The following RGS6 variants were observed in gnomAD, a reference collection of about 807,000 sequenced individuals.
RGS6 encodes regulator of G protein signaling 6.
In RGS6, 30 loss-of-function variants were observed where a neutral mutation model predicts 78.5. That is an observed-to-expected ratio of 0.38 (90% confidence interval 0.29 to 0.52). RGS6 has a LOEUF of 0.52. RGS6 is among the 20% of genes least tolerant of loss of function. The pLI is 0.85. For synonymous variants in RGS6, 206 were observed against 206.0 expected (o/e 1.00, Z 0.00); for missense variants, 495 against 609.7 (o/e 0.81, Z 1.98).
At chr14:71,975,648 G>A (rs1430619341) in intron 2 of RGS6, among the ~76,000 whole-genome samples, 8 of 152,004 alleles carry the variant, frequency 5.3e-5, no homozygotes, top group South Asian at 2.1e-4. Flanking sequence ...TAGTACAGTC[G>A]GGGTTTCACC....
chr14:72,034,345 C>T (rs1236992130), intron 2 of RGS6, among the ~76,000 whole-genome samples: 3 of 148,554 alleles, frequency 2.0e-5, no homozygotes, highest in Non-Finnish European at 4.4e-5. Flanking sequence ...TAATTTCTTT[C>T]TATTAATGAA....
intron 12 of RGS6, among the ~76,000 whole-genome samples, chr14:72,482,230 T>C (rs2096396237): frequency 6.6e-6 from 1 of 152,222 alleles, no homozygotes; most frequent in African/African-American, 2.4e-5. Flanking sequence ...AGTAGTCTTC[T>C]ATTATGCTTT....
the RGS6 span, among the ~76,000 whole-genome samples, chr14:72,601,286 C>T: frequency 2.6e-5 from 4 of 152,094 alleles, no homozygotes; most frequent in East Asian, 1.9e-4. Context: ...AGGATCTAAG[C>T]GACAGAGCCT....
chr14:72,386,606 CTG>C (rs1244571316), intron 3 of RGS6, among the ~76,000 whole-genome samples: 2 of 152,204 alleles, frequency 1.3e-5, no homozygotes, highest in East Asian at 1.9e-4. Context: ...ACAAATGAGT[CTG>C]TGAGCAAAGG....
intron 3 of RGS6, among the ~76,000 whole-genome samples, chr14:72,441,761 G>A (rs1024584408): frequency 6.6e-6 from 1 of 152,248 alleles, no homozygotes; most frequent in African/African-American, 2.4e-5. Context: ...GCCCAAAGCA[G>A]CTGGCTGTCC....
intron 12 of RGS6, among the ~76,000 whole-genome samples, chr14:72,488,080 C>A (rs886559475): frequency 6.6e-6 from 1 of 152,176 alleles, no homozygotes; most frequent in Non-Finnish European, 1.5e-5. Flanking sequence ...TTACTGTTTC[C>A]TTTACAAAGC....
chr14:72,313,305 A>G (rs2069126214), intron 2 of RGS6, among the ~76,000 whole-genome samples: 1 of 152,248 alleles, frequency 6.6e-6, no homozygotes. Flanking sequence ...ACAGCAGAGC[A>G]TGAAACCAAG....
chr14:72,555,604 T>TGAGA (rs1454755976), intron 17 of RGS6, among the ~76,000 whole-genome samples: 1 of 152,150 alleles, frequency 6.6e-6, no homozygotes, highest in African/African-American at 2.4e-5. Flanking sequence ...CCTCCTTCCT[T>TGAGA]GAGAGTGACA....
intron 2 of RGS6, among the ~76,000 whole-genome samples, chr14:72,165,159 C>G (rs545740365): frequency 6.6e-6 from 1 of 152,338 alleles, no homozygotes; most frequent in East Asian, 1.9e-4. Context: ...CTTTGAATTG[C>G]TCACCACGTC....
intron 2 of RGS6, among the ~76,000 whole-genome samples, chr14:71,989,197 A>G (rs1595744631): frequency 6.6e-6 from 1 of 152,218 alleles, no homozygotes; most frequent in South Asian, 2.1e-4. Flanking sequence ...TGTTATTCCC[A>G]TGCCGCATAT....
chr14:72,157,896 G>T (rs1380555361), intron 2 of RGS6, among the ~76,000 whole-genome samples: 1 of 151,896 alleles, frequency 6.6e-6, no homozygotes, highest in Non-Finnish European at 1.5e-5. Flanking sequence ...AGAACGTGCA[G>T]GTTTGTTACA....
chr14:72,061,738 G>A (rs2093907555), intron 2 of RGS6, among the ~76,000 whole-genome samples: 1 of 152,104 alleles, frequency 6.6e-6, no homozygotes, highest in African/African-American at 2.4e-5. Context: ...ATGGGAAATG[G>A]AATGAGAATA....
chr14:72,450,161 T>TTA (rs899285961), intron 3 of RGS6, among the ~76,000 whole-genome samples: 7 of 152,000 alleles, frequency 4.6e-5, no homozygotes, highest in Non-Finnish European at 8.8e-5. Flanking sequence ...CTCTCCATAT[T>TTA]TATATATATC....
chr14:72,114,444 A>C (rs1597804762), intron 2 of RGS6, among the ~76,000 whole-genome samples: 1 of 152,174 alleles, frequency 6.6e-6, no homozygotes, highest in African/African-American at 2.4e-5. Context: ...TTCTGACCCT[A>C]GGCTGGCTAA....
chr14:72,556,028 G>A (rs1025561493), intron 17 of RGS6, among the ~76,000 whole-genome samples: 1 of 152,232 alleles, frequency 6.6e-6, no homozygotes, highest in Non-Finnish European at 1.5e-5. Flanking sequence ...TGGGAGATCA[G>A]GGGATAGGTG....
At chr14:72,017,944 GC>G (rs1368631042) in intron 2 of RGS6, among the ~76,000 whole-genome samples, 1 of 152,008 alleles carries the variant, frequency 6.6e-6, no homozygotes, top group East Asian at 1.9e-4. Context: ...CACCTCACAG[GC>G]CCCAGTATGT....
chr14:72,293,014 A>T (rs2063910418), intron 2 of RGS6, among the ~76,000 whole-genome samples: 1 of 152,154 alleles, frequency 6.6e-6, no homozygotes, highest in Admixed American at 6.5e-5. Context: ...TTGTATTGTG[A>T]TTATTCTGCA....
chr14:72,500,333 C>T (rs1386453248), intron 13 of RGS6, among the ~76,000 whole-genome samples: 2 of 152,156 alleles, frequency 1.3e-5, no homozygotes, highest in Admixed American at 6.5e-5. Context: ...GTTTCTTCTC[C>T]CAACAGACTA....
At chr14:72,442,379 T>C (rs1400204111) in intron 3 of RGS6, among the ~76,000 whole-genome samples, 1 of 152,028 alleles carries the variant, frequency 6.6e-6, no homozygotes, top group Non-Finnish European at 1.5e-5. Flanking sequence ...ATCAATCTCT[T>C]TTCACTGTTT....
Sources: gnomAD v4.1 joint callset for allele counts (sites outside exome capture counted in the v4.1 genomes callset) on GRCh38, gnomAD v4.1.1 for gene constraint, MANE v1.5 for transcripts, NCBI Gene and HGNC (gene_info 2026-07-23, HGNC 2026-07-21) for gene names.